The following STX8 variants were observed in gnomAD, a reference collection of about 807,000 sequenced individuals.
The protein encoded by STX8 is syntaxin-8.
Under a neutral mutation model 37.5 loss-of-function variants are expected in STX8, and 23 were observed. The observed-to-expected ratio is 0.61, with a 90% CI of 0.44 to 0.87. The LOEUF (loss-of-function observed/expected upper bound fraction) is 0.87. Among genes scored for constraint, STX8 ranks in the 40% least tolerant of loss-of-function variants. The pLI is 0.00. For synonymous variants in STX8, 115 were observed against 99.1 expected (o/e 1.16, Z -0.95); for missense variants, 313 against 284.7 (o/e 1.10, Z -0.71).
intron 6 of STX8, among the ~76,000 whole-genome samples, chr17:9,397,869 T>C (rs573054228): frequency 2.2e-4 from 33 of 150,988 alleles, no homozygotes; most frequent in African/African-American, 7.5e-4. Flanking sequence ...TTGCCTGTAA[T>C]ATCAGGTACT....
chr17:9,383,970 A>T (rs1911904482), intron 6 of STX8, among the ~76,000 whole-genome samples: 1 of 152,176 alleles, frequency 6.6e-6, no homozygotes. Flanking sequence ...GAAGGCCTAA[A>T]AAAAGGAGAA....
At chr17:9,254,770 G>A (rs1356916426) in intron 7 of STX8, among the ~76,000 whole-genome samples, 1 of 152,138 alleles carries the variant, frequency 6.6e-6, no homozygotes, top group Non-Finnish European at 1.5e-5. Flanking sequence ...GGGACTGTGG[G>A]TTCTCGTTCA....
intron 6 of STX8, among the ~76,000 whole-genome samples, chr17:9,445,923 T>C (rs1173295642): frequency 2.0e-5 from 3 of 150,638 alleles, no homozygotes; most frequent in African/African-American, 7.3e-5. Flanking sequence ...CTGCAAGCTC[T>C]GCCTCCCGGG....
intron 5 of STX8, among the ~76,000 whole-genome samples, chr17:9,499,639 G>A (rs538331543): frequency 4.2e-4 from 64 of 152,236 alleles, no homozygotes; most frequent in Middle Eastern, 6.8e-3. Context: ...ACCTTGTGAT[G>A]TGCTTGCCTC....
chr17:9,363,726 A>T (rs1255289902), intron 7 of STX8, among the ~76,000 whole-genome samples: 2 of 152,212 alleles, frequency 1.3e-5, no homozygotes, highest in East Asian at 3.8e-4. Flanking sequence ...TTATCTTTCC[A>T]AACCACACCA....
Position 9,347,839 on chromosome 17 carries a change from T to C in STX8, c.643+30713A>G, listed in dbSNP as rs1910582201. Among the ~76,000 whole-genome samples, 3 of 152,318 alleles carry C rather than the reference T, an allele frequency of 2.0e-5. No homozygotes were observed. In the South Asian group the frequency reaches 6.2e-4, roughly 32 times the overall value. ...CTGGCAATCACTGATCAGCTTTCTG[T>C]CTCTATAGATTTGCCTACTCTGGAC... On this transcript the variant is annotated intron_variant, in intron 7 of 7. Transcript: ENST00000306357.
intron 6 of STX8, among the ~76,000 whole-genome samples, chr17:9,442,909 G>T (rs1039361666): frequency 2.0e-5 from 3 of 152,072 alleles, no homozygotes; most frequent in African/African-American, 7.2e-5. Context: ...TTTAGAGAGG[G>T]GAGTCAGTCA....
chr17:9,377,675 T>A (rs1911648244), intron 7 of STX8, among the ~76,000 whole-genome samples: 2 of 152,134 alleles, frequency 1.3e-5, no homozygotes, highest in Non-Finnish European at 2.9e-5. Context: ...TTGCCCAGGC[T>A]GCTAATTTTT....
chr17:9,484,485 G>A (rs919011298), intron 6 of STX8, among the ~76,000 whole-genome samples: 2 of 151,840 alleles, frequency 1.3e-5, no homozygotes, highest in African/African-American at 4.8e-5. Flanking sequence ...ATTGGCAGGA[G>A]GGGGAAGGTA....
intron 2 of STX8, among the ~76,000 whole-genome samples, chr17:9,564,098 A>G (rs184565121): frequency 2.0e-5 from 3 of 152,202 alleles, no homozygotes; most frequent in African/African-American, 7.2e-5. Flanking sequence ...CCTCAAAATA[A>G]TAAGAGCCAT....
chr17:9,508,455 G>A (rs1449244686), intron 4 of STX8, among the ~76,000 whole-genome samples: 1 of 152,160 alleles, frequency 6.6e-6, no homozygotes, highest in Non-Finnish European at 1.5e-5. Context: ...GTCCTCCTGA[G>A]TAGCTGGGAC....
chr17:9,295,746 C>T (rs527931955), intron 7 of STX8, among the ~76,000 whole-genome samples: 2 of 151,314 alleles, frequency 1.3e-5, no homozygotes, highest in East Asian at 3.9e-4. Context: ...CGTCCCCCCT[C>T]CCCCCCAAAA....
At chr17:9,467,224 A>G (rs1478015971) in intron 6 of STX8, 2 of 152,148 alleles carry the variant, frequency 1.3e-5, no homozygotes, top group Non-Finnish European at 2.9e-5. Context: ...GATCCTCACA[A>G]CAAACTCTGT....
At chr17:9,458,170 G>C (rs1455185316) in intron 6 of STX8, among the ~76,000 whole-genome samples, 1 of 152,108 alleles carries the variant, frequency 6.6e-6, no homozygotes, top group Non-Finnish European at 1.5e-5. Context: ...ATTTTTTTGA[G>C]ATGGAGTCTC....
At chr17:9,546,445 T>A (rs1274646919) in intron 3 of STX8, among the ~76,000 whole-genome samples, 1 of 146,116 alleles carries the variant, frequency 6.8e-6, no homozygotes, top group African/African-American at 2.5e-5. Context: ...GAAAGAAACC[T>A]ACAATTCACC....
At chr17:9,431,219 T>G (rs1251536199) in intron 6 of STX8, among the ~76,000 whole-genome samples, 1 of 146,622 alleles carries the variant, frequency 6.8e-6, no homozygotes, top group Admixed American at 7.0e-5. Context: ...GCATTTTTGT[T>G]GTTGTTGTTT....
At chr17:9,362,730 G>A (rs900108709) in intron 7 of STX8, among the ~76,000 whole-genome samples, 11 of 151,162 alleles carry the variant, frequency 7.3e-5, no homozygotes, top group Non-Finnish European at 4.4e-5. Flanking sequence ...GTTGAGGCAG[G>A]AGAATGGCGT....
intron 6 of STX8, among the ~76,000 whole-genome samples, chr17:9,386,760 G>A (rs1036969124): frequency 6.6e-6 from 1 of 152,178 alleles, no homozygotes; most frequent in Non-Finnish European, 1.5e-5. Context: ...GAGAAAATCA[G>A]TTCCATGGCT....
rs544645945 is a variant in STX8 at position 9,451,796 on chromosome 17, G to A, written c.541+40033C>T. Among the ~76,000 whole-genome samples the A allele has an allele frequency of 1.5e-4, 23 of 152,114 alleles. 1 individual carries two copies. In the East Asian group the frequency reaches 4.2e-3, roughly 28 times the overall value. ...ACAAAAATATACATATATACAGAGA[G>A]AGAGAGAGAGAGAGATGGACACCAT... On this transcript the variant is annotated intron_variant, in intron 6 of 7. Coordinates refer to ENST00000306357, the MANE Select transcript of STX8 (RefSeq NM_004853.3).
Sources: gnomAD v4.1 joint callset for allele counts (sites outside exome capture counted in the v4.1 genomes callset) on GRCh38, gnomAD v4.1.1 for gene constraint, MANE v1.5 for transcripts, NCBI Gene and HGNC (gene_info 2026-07-23, HGNC 2026-07-21) for gene names.